Variants in MAP3K15 observed in about 807,000 individuals in gnomAD.
The protein encoded by MAP3K15 is MAPK/ERK kinase kinase 15.
MAP3K15 carries 124 observed loss-of-function variants against 99.5 expected under a neutral mutation model. The ratio of observed to expected loss-of-function variants is 1.25; its 90% CI spans 1.08 to 1.45. MAP3K15 has a LOEUF of 1.45. Ranked by LOEUF, MAP3K15 falls within the 40% of genes most tolerant of loss-of-function variation. The probability of loss-of-function intolerance (pLI) is 0.00; values close to 1 mark genes in which losing one functional copy is unlikely to be tolerated. For synonymous variants in MAP3K15, 494 were observed against 439.6 expected, an observed-to-expected ratio of 1.12 and a Z score of -1.55; for missense variants, 1,242 against 1,079.7, an observed-to-expected ratio of 1.15 and a Z score of -2.11.
intron 3 of MAP3K15, among the ~76,000 whole-genome samples, chrX:19,473,422 A>G (rs999360994): frequency 1.9e-4 from 21 of 112,422 alleles, no homozygotes; most frequent in African/African-American, 6.8e-4. Flanking sequence ...AATGATTACC[A>G]TAACACATGT....
intron 18 of MAP3K15, among the ~76,000 whole-genome samples, chrX:19,391,465 G>A (rs2063526192): frequency 9.2e-6 from 1 of 109,231 alleles, no homozygotes; most frequent in African/African-American, 3.3e-5. Context: ...ATCACTTGAG[G>A]TCAGGAGTTC....
At chrX:19,450,775 A>T (rs2064030969) in intron 6 of MAP3K15, among the ~76,000 whole-genome samples, 1 of 109,283 alleles carries the variant, frequency 9.2e-6, no homozygotes, top group Non-Finnish European at 1.9e-5. Flanking sequence ...CACGGGCTCA[A>T]GGAGGCCAGT....
chrX:19,498,658 C>T (rs141607739), intron 1 of MAP3K15, among the ~76,000 whole-genome samples: 10 of 111,823 alleles, frequency 8.9e-5, no homozygotes, highest in Admixed American at 2.9e-4. Context: ...GATAATGAGA[C>T]GAAAAGGAGG....
chrX:19,384,913 T>C (rs1007507433), intron 18 of MAP3K15, among the ~76,000 whole-genome samples: 1 of 110,857 alleles, frequency 9.0e-6, no homozygotes, highest in Non-Finnish European at 1.9e-5. Flanking sequence ...CAAAATAGTC[T>C]ATATACCCCA....
intron 6 of MAP3K15, among the ~76,000 whole-genome samples, chrX:19,448,817 T>C (rs748687224): frequency 3.6e-5 from 4 of 109,694 alleles, no homozygotes; most frequent in South Asian, 4.0e-4. Context: ...TGGTGGGAAA[T>C]AGAAGGGCAA....
chrX:19,456,420 CAAACTCATCTA>C (rs2064093341), intron 6 of MAP3K15, among the ~76,000 whole-genome samples: 1 of 112,182 alleles, frequency 8.9e-6, no homozygotes, highest in Non-Finnish European at 1.9e-5. Flanking sequence ...AAGGACAAGC[CAAACTCATCTA>C]TGGAGACAGA....
At chrX:19,476,172 A>T (rs1026874889) in intron 3 of MAP3K15, among the ~76,000 whole-genome samples, 2 of 112,374 alleles carry the variant, frequency 1.8e-5, no homozygotes, top group African/African-American at 6.5e-5. Flanking sequence ...TCAGTCAACA[A>T]ATGGCCAAGT....
chrX:19,418,073 A>G (rs2063751462), intron 9 of MAP3K15, among the ~76,000 whole-genome samples: 1 of 111,915 alleles, frequency 8.9e-6, no homozygotes, highest in Non-Finnish European at 1.9e-5. Flanking sequence ...AAAGGTAGAT[A>G]AAACCACAAA....
chrX:19,502,440 GACGTGCCTT>G (rs1213798359), intron 1 of MAP3K15, among the ~76,000 whole-genome samples: 5 of 111,308 alleles, frequency 4.5e-5, no homozygotes, highest in Non-Finnish European at 9.4e-5. Flanking sequence ...CACCATGTAA[GACGTGCCTT>G]GCCTCCCCTT....
chrX:19,453,592 A>C (rs1387553002), intron 6 of MAP3K15, among the ~76,000 whole-genome samples: 1 of 110,250 alleles, frequency 9.1e-6, no homozygotes, highest in Non-Finnish European at 1.9e-5. Context: ...CAAGTGTTAC[A>C]TTTTGGGCCC....
At chrX:19,363,784 C>CT (rs1310751013) in intron 25 of MAP3K15, among the ~76,000 whole-genome samples, 1 of 110,547 alleles carries the variant, frequency 9.0e-6, no homozygotes, top group Non-Finnish European at 1.9e-5. Flanking sequence ...TCCCGAGTAT[C>CT]TGGGACTACA....
In MAP3K15 at chrX:19,464,275, C is replaced by G. The variant is rs200022856; in HGVS notation, c.657G>C (p.Pro219=). 78 of 1,197,774 alleles carry G rather than the reference C, an allele frequency of 6.5e-5. No individual in the cohort carries two copies. In the Middle Eastern group the frequency reaches 1.1e-3, roughly 18 times the overall value. ...ACCTGTCCACCAAAGGCATGCACAGCGGGCCCAGGATGTTGTCCCAGTTGG... is the reference window on the plus strand; with the variant it reads ...ACCTGTCCACCAAAGGCATGCACAGGGGGCCCAGGATGTTGTCCCAGTTGG... ...MQPNWDNILG[P]LCMPLVDRFI... is the part of the protein sequence containing the mutation. Residue 219 remains proline (P), a synonymous_variant, in exon 4 of 29, where the codon CCG becomes CCC. Coordinates refer to ENST00000338883, the MANE Select transcript of MAP3K15 (RefSeq NM_001001671.4).
At chrX:19,445,571 C>CA (rs1451128949) in intron 6 of MAP3K15, among the ~76,000 whole-genome samples, 2 of 81,785 alleles carry the variant, frequency 2.4e-5, no homozygotes, top group Non-Finnish European at 2.2e-5. Context: ...ACCTGGGCGA[C>CA]AGAGTGAGAC....
rs1160075566 is a variant in MAP3K15, at chrX:19,474,544, G to GA, written c.526-10139_526-10138insT. On this transcript the variant is annotated intron_variant, in intron 3 of 28. Transcript: ENST00000338883. ...TGAGATCCAGTCATTCTTGGAGGTT[G>GA]GGGGGGGGGGTCTGTGAACTTGAAA... is the stretch of plus-strand genomic sequence containing the variant. Among the ~76,000 whole-genome samples, 27 of 96,183 alleles carry GA rather than the reference G, an allele frequency of 2.8e-4. 3 individuals are homozygous for GA. The highest frequency in any genetic ancestry group is 5.2e-3 in the Middle Eastern group (1 of 192). 83.5% of individuals were successfully genotyped at this position (96,183 alleles called of 115,157 possible).
intron 17 of MAP3K15, 38 bp downstream of exon 17, chrX:19,392,305 G>T: frequency 8.4e-7 from 1 of 1,190,809 alleles, no homozygotes; most frequent in South Asian, 1.9e-5. Flanking sequence ...GATCTGATAC[G>T]AGCAAAGGCA....
intron 6 of MAP3K15, among the ~76,000 whole-genome samples, chrX:19,443,287 C>A (rs2063973200): frequency 9.0e-6 from 1 of 110,596 alleles, no homozygotes; most frequent in African/African-American, 3.3e-5. Flanking sequence ...CCTGCCTCGA[C>A]CTCCCAAAGT....
intron 3 of MAP3K15, among the ~76,000 whole-genome samples, chrX:19,483,359 ATTATT>A (rs965596134): frequency 9.0e-6 from 1 of 110,862 alleles, no homozygotes; most frequent in Admixed American, 9.6e-5. Flanking sequence ...CTTTGTTATT[ATTATT>A]TTATTACTTT....
intron 17 of MAP3K15, 83 bp downstream of exon 17, chrX:19,392,260 C>T: frequency 9.1e-7 from 1 of 1,095,763 alleles, no homozygotes; most frequent in South Asian, 2.1e-5. Flanking sequence ...CCTCTGTCAG[C>T]CAGTCACTCA....
intron 6 of MAP3K15, among the ~76,000 whole-genome samples, chrX:19,437,680 A>T (rs1247322865): frequency 1.8e-5 from 2 of 111,553 alleles, no homozygotes; most frequent in African/African-American, 6.5e-5. Context: ...GGTTTTTTTT[A>T]TTCTATCTCC....
Sources: allele counts gnomAD v4.1 joint callset (sites outside exome capture counted in the v4.1 genomes callset), GRCh38; gene constraint gnomAD v4.1.1; transcripts MANE v1.5; gene names NCBI Gene and HGNC (gene_info 2026-07-23, HGNC 2026-07-21).